GAS6: variants seen among roughly 807,000 people sequenced by gnomAD.
GAS6 encodes the protein growth arrest-specific protein 6.
In GAS6, 41 loss-of-function variants were observed where a neutral mutation model predicts 75.8. The ratio of observed to expected loss-of-function variants is 0.54; its 90% confidence interval spans 0.42 to 0.70. The LOEUF is 0.70. GAS6 is among the 30% of genes least tolerant of loss of function. The pLI, the probability that GAS6 is intolerant of heterozygous loss-of-function variation, is 0.00. For missense variants in GAS6, 854 were observed against 940.2 expected, an observed-to-expected ratio of 0.91 and a Z score of 1.20; for synonymous variants, 432 against 412.6, an observed-to-expected ratio of 1.05 and a Z score of -0.57.
chr13:113,821,546 C>T (rs374809293), intron 14 of GAS6: 40 of 240,804 alleles, frequency 1.7e-4, no homozygotes, highest in Admixed American at 4.0e-4. Context: ...CACGGCAGGA[C>T]GCCCTGCTGG....
At chr13:113,861,724 C>T (rs2051972966) in intron 2 of GAS6, among the ~76,000 whole-genome samples, 1 of 152,212 alleles carries the variant, frequency 6.6e-6, no homozygotes, top group Non-Finnish European at 1.5e-5. Context: ...CCCAACCAGG[C>T]TGTCCCCAGC....
In GAS6 at chr13:113,838,173, T is replaced by C; in HGVS notation, c.485A>G (p.Gln162Arg). ...LCDKDVNECS[Q>R]ENGGCLQICH... ...GATCTGGAGGCAGCCCCCGTTCTCC[T>C]GGCTGCATTCGTTGACATCTGGGAA... is the stretch of plus-strand genomic sequence containing the variant. The change falls in exon 6 of 15, where the codon CAG becomes CGG. Residue 162 changes from glutamine to arginine, a missense_variant. Physicochemically the swap from Gln to Arg is conservative, Grantham distance 43. Coordinates refer to ENST00000327773, the MANE Select transcript of GAS6 (RefSeq NM_000820.4). 3.1e-6 allele frequency: 5 copies of C among 1,612,814 alleles called. No homozygotes were observed. The highest frequency in any genetic ancestry group is 3.4e-6 in the Non-Finnish European group (4 of 1,179,882).
Position 113,837,961 on chromosome 13 carries a change from G to A in GAS6, c.589+108C>T. ...TCTGCAGGATGCCCCATCCCATCCA[G>A]AACCACAGGAACCCAGCCAGCAGCA... On this transcript the variant is annotated intron_variant, in intron 6 of 14. Coordinates refer to ENST00000327773, the MANE Select transcript of GAS6 (RefSeq NM_000820.4). This position sits in a 1 kb window ranked among gnomAD's most constrained non-coding sequence, Gnocchi z 5.1. 1 of 1,406,378 alleles carries A rather than the reference G, an allele frequency of 7.1e-7. No individual in the cohort carries two copies. The highest frequency in any genetic ancestry group is 9.7e-7 in the Non-Finnish European group (1 of 1,026,020). The allele number at this position is 1,406,378 out of a possible 1,614,324, so 87.1% of individuals were successfully genotyped here. A position where few individuals can be genotyped will look rare whatever the true frequency, so the allele number is the denominator to read the frequency against.
intron 13 of GAS6, 169 bp from the exon 14 acceptor site, chr13:113,822,355 C>T (rs983699683): frequency 9.7e-6 from 5 of 516,704 alleles, no homozygotes; most frequent in Admixed American, 7.5e-5. Context: ...ATGACACCCC[C>T]ACCCCACCTG....
At chr13:113,829,195 A>G (rs111605853) in intron 10 of GAS6, among the ~76,000 whole-genome samples, 3 of 71,640 alleles carry the variant, frequency 4.2e-5, no homozygotes, top group African/African-American at 9.4e-5. Context: ...TCTCAGGGAG[A>G]CCACCTGATC....
intron 6 of GAS6, among the ~76,000 whole-genome samples, chr13:113,836,978 G>A (rs1594199860): frequency 1.3e-5 from 2 of 151,644 alleles, no homozygotes; most frequent in South Asian, 4.2e-4. Context: ...ACTGTGGGCA[G>A]TAACTGTGAG....
chr13:113,824,192 C>G (rs78832662), intron 12 of GAS6, among the ~76,000 whole-genome samples: 25 of 70,198 alleles, frequency 3.6e-4, no homozygotes, highest in South Asian at 1.5e-3. Flanking sequence ...TCAGGAGCAC[C>G]CGCGGTCTGG....
intron 2 of GAS6, among the ~76,000 whole-genome samples, chr13:113,849,037 T>TC (rs1197045709): frequency 6.6e-6 from 1 of 152,130 alleles, no homozygotes; most frequent in Non-Finnish European, 1.5e-5. Flanking sequence ...TCTGCCTCCT[T>TC]CCCACCTCTC....
chr13:113,837,709 G>A lies in GAS6; in HGVS notation c.589+360C>T, dbSNP rs1011365210. Among the ~76,000 whole-genome samples, 6 of 152,056 alleles carry A rather than the reference G, an allele frequency of 3.9e-5. No individual in the cohort carries two copies. Among genetic ancestry groups the A allele is most frequent in the African/African-American group, 9.7e-5 (4 of 41,386 alleles). ...GGGGATGCTGGGGAGAGTGGACGGC[G>A]GGGGGACCCTAGCCTGGAGCCCTGA... On this transcript the variant is annotated intron_variant, in intron 6 of 14. Coordinates refer to ENST00000327773, the MANE Select transcript of GAS6 (RefSeq NM_000820.4). The surrounding 1 kb of genome is among the most constrained non-coding windows in gnomAD (Gnocchi z 5.1).
At chr13:113,860,039 G>A (rs1377300314) in intron 2 of GAS6, among the ~76,000 whole-genome samples, 1 of 152,244 alleles carries the variant, frequency 6.6e-6, no homozygotes, top group Non-Finnish European at 1.5e-5. Context: ...GAGGGCACAT[G>A]CAGTTCAGGA....
intron 12 of GAS6, among the ~76,000 whole-genome samples, chr13:113,826,510 A>G (rs1436060511): frequency 4.6e-4 from 46 of 100,770 alleles, no homozygotes; most frequent in African/African-American, 1.3e-3. Context: ...CCGGCCTCGC[A>G]GGCACCTTCT....
At chr13:113,854,062 C>T (rs771932624) in intron 2 of GAS6, among the ~76,000 whole-genome samples, 15 of 152,188 alleles carry the variant, frequency 9.9e-5, no homozygotes, top group Non-Finnish European at 1.8e-4. Context: ...TCAGTATACC[C>T]GGCATGCCCA....
At chr13:113,858,189 T>A (rs1476482020) in intron 2 of GAS6, among the ~76,000 whole-genome samples, 1 of 152,204 alleles carries the variant, frequency 6.6e-6, no homozygotes, top group Non-Finnish European at 1.5e-5. Flanking sequence ...AAGAGAAAAG[T>A]GTGTGAGAGG....
Position 113,863,425 on chromosome 13 carries a change from G to C in GAS6, c.255+150C>G, listed in dbSNP as rs1477258265. ...CCGGGGTCGCCGGGGGATGGGCGTG[G>C]GGGACGCGGGGCGGGCCGGGGCTCC... On this transcript the variant is annotated intron_variant, in intron 2 of 14. Transcript: ENST00000327773. The surrounding 1 kb of genome is among the most constrained non-coding windows in gnomAD (Gnocchi z 9.4). 1 of 685,636 alleles carries C rather than the reference G, an allele frequency of 1.5e-6. No individual in the cohort carries two copies. The highest frequency in any genetic ancestry group is 2.1e-6 in the Non-Finnish European group (1 of 480,892). The allele number at this position is 685,636 out of a possible 1,614,324, so 42.5% of individuals were successfully genotyped here.
intron 10 of GAS6, among the ~76,000 whole-genome samples, chr13:113,830,735 A>C (rs7327203): frequency 2.0e-4 from 6 of 29,960 alleles, no homozygotes; most frequent in Admixed American, 1.4e-3. Context: ...CTGCAACACC[A>C]CTCCCTCCAG....
chr13:113,855,664 C>T (rs189020072), intron 2 of GAS6, among the ~76,000 whole-genome samples: 11 of 152,306 alleles, frequency 7.2e-5, no homozygotes, highest in Non-Finnish European at 1.3e-4. Flanking sequence ...CCGGGAGTCA[C>T]GCCCCGGCCT....
chr13:113,821,291 T>C, intron 14 of GAS6: 1 of 501,112 alleles, frequency 2.0e-6, no homozygotes, highest in East Asian at 3.2e-5. Context: ...GATCTTCTTC[T>C]GTGCCCAGTG....
chr13:113,858,417 CTA>C (rs1304373671), intron 2 of GAS6, among the ~76,000 whole-genome samples: 8 of 150,882 alleles, frequency 5.3e-5, no homozygotes, highest in Non-Finnish European at 8.9e-5. Flanking sequence ...TTACATATGT[CTA>C]TGTGAATGTG....
intron 2 of GAS6, among the ~76,000 whole-genome samples, chr13:113,862,036 G>A (rs1460642452): frequency 6.6e-6 from 1 of 152,234 alleles, no homozygotes; most frequent in Non-Finnish European, 1.5e-5. Context: ...GTATTAAAGT[G>A]ATGGGGTCCT....
Sources: gnomAD v4.1 joint callset for allele counts (sites outside exome capture counted in the v4.1 genomes callset) on GRCh38, gnomAD v4.1.1 for gene constraint, Gnocchi (gnomAD v3.1) non-coding constraint, MANE v1.5 for transcripts, NCBI Gene and HGNC (gene_info 2026-07-23, HGNC 2026-07-21) for gene names.